Variants in CBFA2T2 observed in about 807,000 individuals in gnomAD.
The protein encoded by CBFA2T2 is protein CBFA2T2.
In CBFA2T2, 11 loss-of-function variants were observed where a neutral mutation model predicts 62.2. The observed-to-expected ratio is 0.18, with a 90% CI of 0.11 to 0.29. The LOEUF (loss-of-function observed/expected upper bound fraction) is 0.29. Among genes scored for constraint, CBFA2T2 ranks in the 10% least tolerant of loss-of-function variants. The pLI, the probability that CBFA2T2 is intolerant of heterozygous loss-of-function variation, is 1.00. For synonymous variants in CBFA2T2, 295 were observed against 287.5 expected (o/e 1.03, Z -0.27); for missense variants, 592 against 774.1 (o/e 0.76, Z 2.79).
At position 33,611,148 on chromosome 20, in the gene CBFA2T2, C is replaced by T; in HGVS notation, c.233C>T (p.Pro78Leu). Residue 78 changes from proline (P) to leucine (L), a missense_variant, in exon 3 of 11, where the codon CCA (proline) becomes CTA (leucine). Physicochemically the swap from Pro to Leu is moderately conservative, Grantham distance 98. Transcript: ENST00000342704. ...ACCCTGAATGGTGCCCCATCACCGC[C>T]ACAGAGATTCAGCAATGGTCCTGCC... ...PPTLNGAPSP[P>L]QRFSNGPASS... 1 of 1,614,194 alleles carries T rather than the reference C, an allele frequency of 6.2e-7. No homozygotes were observed. The highest frequency in any genetic ancestry group is 8.5e-7 in the Non-Finnish European group (1 of 1,180,024).
At chr20:33,498,985 A>C (rs2011236018) in intron 1 of CBFA2T2, among the ~76,000 whole-genome samples, 1 of 151,864 alleles carries the variant, frequency 6.6e-6, no homozygotes. Flanking sequence ...GGAAGGTTGC[A>C]GTGAGCTGAG....
At chr20:33,516,303 C>G (rs1270920734) in intron 1 of CBFA2T2, among the ~76,000 whole-genome samples, 1 of 151,300 alleles carries the variant, frequency 6.6e-6, no homozygotes, top group African/African-American at 2.4e-5. Context: ...AACCCCATCT[C>G]TACTAAAAAT....
chr20:33,507,916 C>G (rs1424504089), intron 1 of CBFA2T2, among the ~76,000 whole-genome samples: 1 of 152,038 alleles, frequency 6.6e-6, no homozygotes, highest in African/African-American at 2.4e-5. Context: ...CTTTTATACT[C>G]CTACCAGCAA....
chr20:33,604,445 A>G (rs894124580), intron 1 of CBFA2T2, among the ~76,000 whole-genome samples: 3 of 152,298 alleles, frequency 2.0e-5, no homozygotes. Flanking sequence ...ATTCACACGG[A>G]ATCTCTCAGT....
intron 1 of CBFA2T2, among the ~76,000 whole-genome samples, chr20:33,576,810 A>G (rs1404040396): frequency 6.6e-6 from 1 of 152,280 alleles, no homozygotes; most frequent in Admixed American, 6.5e-5. Flanking sequence ...CTTGTGAAGA[A>G]TCACAGAGTT....
chr20:33,630,273 T>G (rs1306886666), intron 8 of CBFA2T2, among the ~76,000 whole-genome samples: 1 of 152,192 alleles, frequency 6.6e-6, no homozygotes, highest in East Asian at 1.9e-4. Flanking sequence ...TCAAAAAATG[T>G]TAATTCTTCG....
At chr20:33,527,877 C>CT (rs1285956593) in intron 1 of CBFA2T2, among the ~76,000 whole-genome samples, 8 of 151,734 alleles carry the variant, frequency 5.3e-5, no homozygotes, top group Admixed American at 2.0e-4. Flanking sequence ...GTTTTATTTT[C>CT]TTTTTTTTCT....
rs930670928 is a variant in CBFA2T2, at chr20:33,645,038, G to A, written c.*392G>A. On this transcript the variant is annotated 3_prime_UTR_variant, in exon 11 of 11. Coordinates refer to ENST00000342704, the MANE Select transcript of CBFA2T2 (RefSeq NM_001032999.3). ...GGCAGGCGGCAGGCAGCAGGCTGTG[G>A]AGGAGGCCCCTCGGTCAGGGAGCGG... 9 of 196,166 alleles carry A rather than the reference G, an allele frequency of 4.6e-5. No individual in the cohort carries two copies. The East Asian group carries it at 7.1e-4, about 15-fold the overall frequency. The allele number at this position is 196,166 out of a possible 1,614,324, so 12.2% of individuals were successfully genotyped here.
chr20:33,493,861 C>T (rs1014287268), intron 1 of CBFA2T2, among the ~76,000 whole-genome samples: 5 of 152,008 alleles, frequency 3.3e-5, no homozygotes, highest in Non-Finnish European at 7.4e-5. Flanking sequence ...CACACACATT[C>T]TATGAATGTT....
chr20:33,553,384 G>A (rs1271349654), intron 1 of CBFA2T2, among the ~76,000 whole-genome samples: 3 of 152,080 alleles, frequency 2.0e-5, no homozygotes, highest in Non-Finnish European at 4.4e-5. Flanking sequence ...ACGCCACTAC[G>A]CCTGGCTAAT....
intron 1 of CBFA2T2, among the ~76,000 whole-genome samples, chr20:33,531,965 T>C (rs914949002): frequency 6.6e-6 from 1 of 152,194 alleles, no homozygotes; most frequent in Non-Finnish European, 1.5e-5. Context: ...TTTTTAACAA[T>C]TTATTGTGGG....
In CBFA2T2 at chr20:33,646,412, C is replaced by T. The variant is rs1400664850; in HGVS notation, c.*1766C>T. ...ATCAGTTGGAGTAAGTTTAATTGGC[C>T]CTGCTCCAGCTGGCCTTTGAAGCAC... On this transcript the variant is annotated 3_prime_UTR_variant, in exon 11 of 11. Transcript: ENST00000342704. 6.6e-6 allele frequency: 1 copy of T among 152,162 alleles called. No individual in the cohort carries two copies. Among genetic ancestry groups the T allele is most frequent in the Non-Finnish European group, 1.5e-5 (1 of 68,076 alleles). The allele number at this position is 152,162 out of a possible 1,614,324, so 9.4% of individuals were successfully genotyped here. A position where few individuals can be genotyped will look rare whatever the true frequency, so the allele number is the denominator to read the frequency against.
At chr20:33,613,163 G>T (rs1026563535) in intron 3 of CBFA2T2, among the ~76,000 whole-genome samples, 2 of 152,218 alleles carry the variant, frequency 1.3e-5, no homozygotes, top group African/African-American at 4.8e-5. Context: ...TTCATCATTT[G>T]TGAGGTTTAG....
chr20:33,613,103 A>G (rs1359276208), intron 3 of CBFA2T2, among the ~76,000 whole-genome samples: 1 of 152,260 alleles, frequency 6.6e-6, no homozygotes, highest in Admixed American at 6.5e-5. Context: ...TTCTCAGTCT[A>G]TTATGAAAGG....
At chr20:33,577,595 A>G (rs967453476) in intron 1 of CBFA2T2, among the ~76,000 whole-genome samples, 4 of 152,224 alleles carry the variant, frequency 2.6e-5, no homozygotes, top group Non-Finnish European at 2.9e-5. Flanking sequence ...GTAGAATGTG[A>G]AGTCTCTCTG....
At chr20:33,526,474 A>G (rs1462745170) in intron 1 of CBFA2T2, among the ~76,000 whole-genome samples, 1 of 152,074 alleles carries the variant, frequency 6.6e-6, no homozygotes. Flanking sequence ...TTGTTTATTC[A>G]TTCATCAGTT....
At chr20:33,559,166 T>TC (rs1253520023) in intron 1 of CBFA2T2, among the ~76,000 whole-genome samples, 2 of 143,756 alleles carry the variant, frequency 1.4e-5, no homozygotes, top group Non-Finnish European at 3.0e-5. Context: ...CTTCTTTTTT[T>TC]CCTTTCTTTT....
chr20:33,618,252 AC>A (rs2015784959), intron 3 of CBFA2T2, among the ~76,000 whole-genome samples: 1 of 151,620 alleles, frequency 6.6e-6, no homozygotes, highest in African/African-American at 2.4e-5. Context: ...GTTTTTGAAC[AC>A]TTACAAAGTT....
At chr20:33,617,792 G>A (rs919986739) in intron 3 of CBFA2T2, among the ~76,000 whole-genome samples, 2 of 152,112 alleles carry the variant, frequency 1.3e-5, no homozygotes, top group Admixed American at 6.6e-5. Context: ...TGAAATGTGG[G>A]AAAGTGTTCA....
Sources: gnomAD v4.1 joint callset for allele counts (sites outside exome capture counted in the v4.1 genomes callset) on GRCh38, gnomAD v4.1.1 for gene constraint, MANE v1.5 for transcripts, NCBI Gene and HGNC (gene_info 2026-07-23, HGNC 2026-07-21) for gene names.